Variants in CNTN6 observed in about 807,000 individuals in gnomAD.
The protein encoded by CNTN6 is contactin-6.
Under a neutral mutation model 122.8 loss-of-function variants are expected in CNTN6, and 137 were observed. That is an observed-to-expected ratio of 1.12 (90% confidence interval 0.97 to 1.29). The LOEUF is 1.29. CNTN6 is among the 50% of genes most tolerant of loss of function. The pLI, the probability that CNTN6 is intolerant of heterozygous loss-of-function variation, is 0.00. For synonymous variants in CNTN6, 570 were observed against 426.0 expected, an observed-to-expected ratio of 1.34 and a Z score of -4.16; for missense variants, 1,634 against 1,223.4, an observed-to-expected ratio of 1.34 and a Z score of -5.01.
chr3:1,346,599 G>C (rs1704737837), intron 11 of CNTN6, among the ~76,000 whole-genome samples: 1 of 152,078 alleles, frequency 6.6e-6, no homozygotes, highest in African/African-American at 2.4e-5. Context: ...AGCAGCCTGA[G>C]AACCTCACCA....
At chr3:1,350,411 T>C (rs893432464) in intron 11 of CNTN6, among the ~76,000 whole-genome samples, 1 of 151,908 alleles carries the variant, frequency 6.6e-6, no homozygotes, top group Non-Finnish European at 1.5e-5. Context: ...ATAACTTCAT[T>C]CTCTCCTACT....
intron 7 of CNTN6, among the ~76,000 whole-genome samples, chr3:1,305,081 A>C (rs533559376): frequency 3.3e-5 from 5 of 152,270 alleles, no homozygotes; most frequent in Admixed American, 2.0e-4. Context: ...AAAAACATCA[A>C]AAATCAGGTT....
At chr3:1,366,191 G>A (rs1312822110) in intron 12 of CNTN6, among the ~76,000 whole-genome samples, 3 of 152,104 alleles carry the variant, frequency 2.0e-5, no homozygotes, top group Non-Finnish European at 2.9e-5. Context: ...TCCTACAAAT[G>A]GCTAAGGAAT....
chr3:1,241,023 G>C lies in CNTN6; in HGVS notation c.358+13030G>C, dbSNP rs933391808. 2.0e-5 allele frequency among the ~76,000 whole-genome samples: 3 copies of C among 152,038 alleles called. 1 individual carries two copies. The highest frequency in any genetic ancestry group is 4.2e-4 in the South Asian group (2 of 4,816). On this transcript the variant is annotated intron_variant, in intron 4 of 22. Transcript: ENST00000446702. ...AATTACAAAGAACCTTCTTAAGGGT[G>C]GGGGAGACTACAAAGTACCTTCTTA...
chr3:1,135,427 C>G lies in CNTN6; in HGVS notation c.-82-12500C>G, dbSNP rs543730886. On this transcript the variant is annotated intron_variant, in intron 1 of 22. Coordinates refer to ENST00000446702, the MANE Select transcript of CNTN6 (RefSeq NM_001289080.2). Reference sequence around the variant, plus strand: ...GGTGGGGACCGTGAACCTTAGCCAACAGAAACAGAATGGAATCAGTGTACA... The same window carrying G: ...GGTGGGGACCGTGAACCTTAGCCAAGAGAAACAGAATGGAATCAGTGTACA... Among the ~76,000 whole-genome samples, 4 of 152,238 alleles carry G rather than the reference C, an allele frequency of 2.6e-5. No individual in the cohort carries two copies. In the East Asian group the frequency reaches 7.8e-4, roughly 30 times the overall value.
intron 2 of CNTN6, among the ~76,000 whole-genome samples, chr3:1,160,154 A>G (rs1468665198): frequency 6.6e-6 from 1 of 151,800 alleles, no homozygotes; most frequent in Non-Finnish European, 1.5e-5. Flanking sequence ...AAAATCCAAA[A>G]TATCTCAGTA....
chr3:1,154,682 T>A (rs1273434047), intron 2 of CNTN6, among the ~76,000 whole-genome samples: 4 of 151,952 alleles, frequency 2.6e-5, no homozygotes, highest in African/African-American at 4.8e-5. Flanking sequence ...ACCTCTGGTG[T>A]TCCGCCCGCC....
intron 7 of CNTN6, among the ~76,000 whole-genome samples, chr3:1,304,997 A>AC (rs1007953443): frequency 6.6e-6 from 1 of 151,850 alleles, no homozygotes; most frequent in East Asian, 1.9e-4. Context: ...CAAAAAAAAA[A>AC]AAAAAAACAA....
rs201949693 is a variant in CNTN6, at chr3:1,265,044, C to CTTTTTTTTTTT, written c.359-13360_359-13350dup. On this transcript the variant is annotated intron_variant, in intron 4 of 22. Coordinates refer to ENST00000446702, the MANE Select transcript of CNTN6 (RefSeq NM_001289080.2). ...ATGTTGCCACAAATGACCGAATTTCCTTTTTTTTTTTTTTTTTTTGGCTGG... is the reference window on the plus strand; with the variant it reads ...ATGTTGCCACAAATGACCGAATTTCCTTTTTTTTTTTTTTTTTTTTTTTTTTTTTTGGCTGG... Among the ~76,000 whole-genome samples, 50 of 100,770 alleles carry CTTTTTTTTTTT rather than the reference C, an allele frequency of 5.0e-4. 1 individual carries two copies. Among genetic ancestry groups the CTTTTTTTTTTT allele is most frequent in the African/African-American group, 1.2e-3 (32 of 26,204 alleles). The allele number at this position is 100,770 out of a possible 152,430, so 66.1% of individuals were successfully genotyped here. A position where few individuals can be genotyped will look rare whatever the true frequency, so the allele number is the denominator to read the frequency against.
At chr3:1,252,014 T>C (rs1405383277) in intron 4 of CNTN6, among the ~76,000 whole-genome samples, 2 of 152,170 alleles carry the variant, frequency 1.3e-5, no homozygotes, top group East Asian at 1.9e-4. Context: ...CCAAAATAAT[T>C]CCAATGAAAC....
intron 22 of CNTN6, chr3:1,402,871 A>T (rs895276613): frequency 1.5e-5 from 3 of 194,516 alleles, no homozygotes; most frequent in African/African-American, 7.0e-5. Flanking sequence ...TTCATGGCAG[A>T]CATCACTAAT....
intron 22 of CNTN6, among the ~76,000 whole-genome samples, chr3:1,403,103 G>A (rs1191874276): frequency 1.3e-5 from 2 of 152,072 alleles, no homozygotes; most frequent in African/African-American, 2.4e-5. Context: ...CCAATTTAGG[G>A]ATTTTCCTTT....
chr3:1,335,593 A>G lies in CNTN6; in HGVS notation c.1364+5658A>G, dbSNP rs529216979. ...GTTAACCCACTGGAGAGACAGTTCA[A>G]TGTTGTTCTCTGACAGGCAGCATTA... On this transcript the variant is annotated intron_variant, in intron 11 of 22. Transcript: ENST00000446702. 2.0e-4 allele frequency among the ~76,000 whole-genome samples: 31 copies of G among 152,302 alleles called. No individual in the cohort carries two copies. In the East Asian group the frequency reaches 4.4e-3, roughly 22 times the overall value.
At chr3:1,339,499 T>A (rs1470658218) in intron 11 of CNTN6, among the ~76,000 whole-genome samples, 2 of 152,152 alleles carry the variant, frequency 1.3e-5, no homozygotes, top group African/African-American at 2.4e-5. Flanking sequence ...CAGTGGGGCA[T>A]GTGTCACCAC....
intron 6 of CNTN6, among the ~76,000 whole-genome samples, chr3:1,296,652 C>A (rs1394193900): frequency 6.6e-6 from 1 of 152,086 alleles, no homozygotes; most frequent in Non-Finnish European, 1.5e-5. Flanking sequence ...AATTGTGGAA[C>A]AAGTCCCATA....
In CNTN6 at chr3:1,383,031, A is replaced by C; in HGVS notation, c.2256A>C (p.Lys752Asn). ...PVGSTTWSKE[K>N]VSSVESSRFV... The stretch of plus-strand genomic sequence containing the variant: ...GCTCGACAACCTGGTCCAAGGAGAA[A>C]GTGTCATCTGTGGAATCATCAAGGT... The change falls in exon 18 of 23, where the codon AAA becomes AAC. Residue 752 changes from lysine (K) to asparagine (N), a missense_variant. By Grantham distance (94) the Lys-to-Asn change is moderately conservative. Transcript: ENST00000446702. 6.2e-7 allele frequency: 1 copy of C among 1,614,106 alleles called. No homozygotes were observed.
At chr3:1,196,324 C>T (rs1420829702) in intron 2 of CNTN6, among the ~76,000 whole-genome samples, 2 of 152,148 alleles carry the variant, frequency 1.3e-5, no homozygotes, top group East Asian at 1.9e-4. Flanking sequence ...GAGTAAGGCT[C>T]TTCAGTTGGG....
intron 2 of CNTN6, among the ~76,000 whole-genome samples, chr3:1,172,921 A>C (rs577732984): frequency 6.6e-6 from 1 of 152,268 alleles, no homozygotes; most frequent in East Asian, 1.9e-4. Flanking sequence ...CAGAGGCAGG[A>C]ATCTCTGCCC....
At chr3:1,152,150 G>GT (rs2092859173) in intron 2 of CNTN6, among the ~76,000 whole-genome samples, 1 of 151,734 alleles carries the variant, frequency 6.6e-6, no homozygotes, top group East Asian at 1.9e-4. Context: ...TTGTTTGTTT[G>GT]TTTTTTGAGA....
Sources: allele counts gnomAD v4.1 joint callset (sites outside exome capture counted in the v4.1 genomes callset), GRCh38; gene constraint gnomAD v4.1.1; transcripts MANE v1.5; gene names NCBI Gene and HGNC (gene_info 2026-07-23, HGNC 2026-07-21).